The following CDH22 variants were observed in gnomAD, a reference collection of about 807,000 sequenced individuals.
The protein encoded by CDH22 is cadherin 22, also known as cadherin-22.
Under a neutral mutation model 58.4 loss-of-function variants are expected in CDH22, and 30 were observed. The ratio of observed to expected loss-of-function variants is 0.51; its 90% CI spans 0.38 to 0.70. CDH22 has a LOEUF of 0.70. Among genes scored for constraint, CDH22 ranks in the 30% least tolerant of loss-of-function variants. The probability of loss-of-function intolerance (pLI) is 0.00; values close to 1 mark genes in which losing one functional copy is unlikely to be tolerated. For missense variants in CDH22, 1,014 were observed against 1,233.9 expected (o/e 0.82, Z 2.67); for synonymous variants, 513 against 558.2 (o/e 0.92, Z 1.14).
chr20:46,212,301 TG>T (rs1443236925), intron 6 of CDH22, among the ~76,000 whole-genome samples: 1 of 152,162 alleles, frequency 6.6e-6, no homozygotes, highest in Non-Finnish European at 1.5e-5. Context: ...TGACCACTTG[TG>T]GGCCAGTGCA....
intron 7 of CDH22, among the ~76,000 whole-genome samples, chr20:46,199,962 ATTTAT>A (rs374165948): frequency 4.8e-5 from 4 of 82,864 alleles, no homozygotes; most frequent in Admixed American, 1.2e-4. Context: ...TTTTTTGTTT[ATTTAT>A]TTTATTTTAT....
At chr20:46,224,401 G>A (rs1195923997) in intron 4 of CDH22, among the ~76,000 whole-genome samples, 2 of 152,120 alleles carry the variant, frequency 1.3e-5, no homozygotes, top group African/African-American at 4.8e-5. Context: ...GAATCCTCAC[G>A]ACCATCAAGT....
At position 46,242,593 on chromosome 20, in the gene CDH22, T is replaced by C. The variant is rs563129040; in HGVS notation, c.256-1336A>G. 4.6e-5 allele frequency among the ~76,000 whole-genome samples: 7 copies of C among 152,278 alleles called. No individual in the cohort carries two copies. The East Asian group carries it at 9.7e-4, about 21-fold the overall frequency. ...CACGGTGGGGGCACTGCCCAGGCAG[T>C]GGTACTGCAGCAGGATCCCTGCTGG... On this transcript the variant is annotated intron_variant, in intron 2 of 11. Transcript: ENST00000537909.
Position 46,186,869 on chromosome 20 carries a change from G to A in CDH22, c.1502C>T (p.Thr501Ile), listed in dbSNP as rs1457176625. ...DVNDNPPELA[T>I]PYEAAVCEDA... The stretch of plus-strand genomic sequence containing the variant: ...CTCGCATACAGCTGCCTCGTAGGGT[G>A]TGGCCAGTTCTGGGGGATTGTCGTT... The change falls in exon 9 of 12, where the codon ACA (threonine) becomes ATA (isoleucine). Residue 501 changes from threonine to isoleucine, a missense_variant. This residue lies in a region of CDH22 where 806 missense variants were observed against 1,038.7 expected (regional missense o/e 0.78). Coordinates refer to ENST00000537909, the MANE Select transcript of CDH22 (RefSeq NM_021248.3). 6.2e-7 allele frequency: 1 copy of A among 1,612,212 alleles called. No homozygotes were observed. Among genetic ancestry groups the A allele is most frequent in the South Asian group, 1.1e-5 (1 of 90,698 alleles).
intron 3 of CDH22, among the ~76,000 whole-genome samples, chr20:46,239,726 T>C (rs944230045): frequency 6.6e-6 from 1 of 152,216 alleles, no homozygotes; most frequent in Non-Finnish European, 1.5e-5. Context: ...TGCAGATTAC[T>C]TGGAGTAACG....
chr20:46,303,730 G>A (rs2086662429), intron 1 of CDH22, among the ~76,000 whole-genome samples: 1 of 152,112 alleles, frequency 6.6e-6, no homozygotes, highest in Non-Finnish European at 1.5e-5. Context: ...TGTCAGATTG[G>A]AGGCACAGTG....
At chr20:46,279,304 C>T (rs1333811561) in intron 1 of CDH22, among the ~76,000 whole-genome samples, 1 of 152,148 alleles carries the variant, frequency 6.6e-6, no homozygotes, top group Non-Finnish European at 1.5e-5. Context: ...AGAGAAATAT[C>T]AGCATGTGTA....
intron 1 of CDH22, among the ~76,000 whole-genome samples, chr20:46,299,965 A>G (rs1779090462): frequency 6.6e-6 from 1 of 152,122 alleles, no homozygotes; most frequent in Admixed American, 6.6e-5. Flanking sequence ...CACTCTGCCA[A>G]CTTAACTCCC....
intron 7 of CDH22, among the ~76,000 whole-genome samples, chr20:46,208,136 A>G (rs775624856): frequency 3.9e-4 from 60 of 152,226 alleles, no homozygotes; most frequent in Non-Finnish European, 7.8e-4. Flanking sequence ...CTCATTGAAT[A>G]GGTACAGGGG....
At chr20:46,220,959 G>A (rs1307170604) in intron 4 of CDH22, 4 of 152,874 alleles carry the variant, frequency 2.6e-5, no homozygotes, top group African/African-American at 9.7e-5. Context: ...TGGCCAATGG[G>A]ACATCAGCAA....
At chr20:46,230,665 T>C (rs2086214400) in intron 3 of CDH22, among the ~76,000 whole-genome samples, 1 of 152,240 alleles carries the variant, frequency 6.6e-6, no homozygotes, top group Admixed American at 6.5e-5. Flanking sequence ...TTGTATATGA[T>C]AGAATTTACA....
At chr20:46,272,590 G>T (rs1290556919) in intron 1 of CDH22, among the ~76,000 whole-genome samples, 3 of 152,200 alleles carry the variant, frequency 2.0e-5, no homozygotes, top group African/African-American at 7.2e-5. Flanking sequence ...AGTGAGGTTG[G>T]AGGCCATCCA....
At chr20:46,240,671 G>A (rs980087585) in intron 3 of CDH22, among the ~76,000 whole-genome samples, 2 of 152,120 alleles carry the variant, frequency 1.3e-5, no homozygotes, top group Admixed American at 6.5e-5. Flanking sequence ...GTCTCCATAC[G>A]TGACTGGGTG....
At chr20:46,284,369 A>T (rs1048205191) in intron 1 of CDH22, among the ~76,000 whole-genome samples, 10 of 152,220 alleles carry the variant, frequency 6.6e-5, no homozygotes, top group African/African-American at 2.4e-4. Flanking sequence ...ACTTTCCTCA[A>T]CATCTGGAAA....
At chr20:46,238,898 C>A (rs2086271878) in intron 3 of CDH22, among the ~76,000 whole-genome samples, 1 of 152,238 alleles carries the variant, frequency 6.6e-6, no homozygotes, top group Non-Finnish European at 1.5e-5. Context: ...GCAAGACCTT[C>A]CATTGACTTC....
rs147225556 is a variant in CDH22 at position 46,219,775 on chromosome 20, T to G, written c.671-2782A>C. On this transcript the variant is annotated intron_variant, in intron 4 of 11. Transcript: ENST00000537909. ...TCATTTAATCCTCTCAATATTCATA[T>G]GTGGAAGGTCCTGTGATTATACCTG... 1,481 of 152,356 alleles carry G rather than the reference T, an allele frequency of 9.7e-3. 12 individuals are homozygous for G. The highest frequency in any genetic ancestry group is 0.04 in the South Asian group (191 of 4,824). 9.4% of individuals were successfully genotyped at this position (152,356 alleles called of 1,614,324 possible).
At chr20:46,258,046 G>A (rs942345826) in intron 1 of CDH22, among the ~76,000 whole-genome samples, 1 of 152,194 alleles carries the variant, frequency 6.6e-6, no homozygotes, top group Admixed American at 6.5e-5. Context: ...TGTTAATAAT[G>A]TTCCCCCAGT....
At chr20:46,181,170 C>A (rs2085781569) in intron 10 of CDH22, among the ~76,000 whole-genome samples, 1 of 152,140 alleles carries the variant, frequency 6.6e-6, no homozygotes, top group South Asian at 2.1e-4. Flanking sequence ...CGCTGCTGGT[C>A]CTGGATCAGA....
At position 46,186,695 on chromosome 20, in the gene CDH22, G is replaced by T; in HGVS notation, c.1556C>A (p.Thr519Asn). Residue 519 changes from threonine to asparagine, a missense_variant, in exon 10 of 12, where the codon ACC (threonine) becomes AAC (asparagine). Transcript: ENST00000537909. Reference sequence around the variant, plus strand: ...CTCGTCTCTGTCCACCACGCTGATGGTCTGGATGAGCTGAAGGGTGAGGAG... The same window carrying T: ...CTCGTCTCTGTCCACCACGCTGATGTTCTGGATGAGCTGAAGGGTGAGGAG... ...EDAKPGQLIQ[T>N]ISVVDRDEPQ... The T allele has an allele frequency of 6.2e-7, 1 of 1,613,828 alleles. No homozygotes were observed. Among genetic ancestry groups the T allele is most frequent in the South Asian group, 1.1e-5 (1 of 91,056 alleles).
Sources: allele counts gnomAD v4.1 joint callset (sites outside exome capture counted in the v4.1 genomes callset), GRCh38; gene constraint gnomAD v4.1.1; regional missense constraint gnomAD v4.1.1; transcripts MANE v1.5; gene names NCBI Gene and HGNC (gene_info 2026-07-23, HGNC 2026-07-21).